The following HACD4 variants were observed in gnomAD, a reference collection of about 807,000 sequenced individuals.
The protein encoded by HACD4 is 3-hydroxyacyl-CoA dehydratase 4.
Under a neutral mutation model 33.3 loss-of-function variants are expected in HACD4, and 35 were observed. The observed-to-expected ratio is 1.05, with a 90% CI of 0.80 to 1.39. The LOEUF (loss-of-function observed/expected upper bound fraction) is 1.39. HACD4 is among the 40% of genes most tolerant of loss of function. HACD4 has a pLI of 0.00. For missense variants in HACD4, 323 were observed against 276.5 expected (o/e 1.17, Z -1.19); for synonymous variants, 118 against 98.0 (o/e 1.20, Z -1.21).
At chr9:21,017,242 C>T (rs1284993062) in intron 3 of HACD4, among the ~76,000 whole-genome samples, 1 of 152,116 alleles carries the variant, frequency 6.6e-6, no homozygotes, top group African/African-American at 2.4e-5. Context: ...GATTTGCCAA[C>T]AGTGGGCCAC....
chr9:21,011,776 C>T (rs1032490895), intron 4 of HACD4, 81 bp from the exon 5 acceptor site: 25 of 698,158 alleles, frequency 3.6e-5, no homozygotes, highest in Non-Finnish European at 5.7e-5. Context: ...TAATTAAATA[C>T]AGAGATACAA....
intron 5 of HACD4, among the ~76,000 whole-genome samples, chr9:21,009,270 C>G (rs1440661864): frequency 6.6e-6 from 1 of 152,084 alleles, no homozygotes; most frequent in Non-Finnish European, 1.5e-5. Flanking sequence ...TTCCACCATC[C>G]AGAGCATTAT....
chr9:21,028,966 A>G (rs1818134691), intron 2 of HACD4, among the ~76,000 whole-genome samples: 1 of 152,210 alleles, frequency 6.6e-6, no homozygotes, highest in African/African-American at 2.4e-5. Context: ...TCTGCATAAA[A>G]TGTTATGCTG....
intron 4 of HACD4, among the ~76,000 whole-genome samples, chr9:21,012,603 A>C (rs924096643): frequency 6.6e-6 from 1 of 152,240 alleles, no homozygotes. Context: ...TTGCATTTGC[A>C]TATCTATGTG....
intron 4 of HACD4, 32 bp from the exon 5 acceptor site, chr9:21,011,727 T>C (rs1842443902): frequency 8.5e-7 from 1 of 1,176,682 alleles, no homozygotes. Flanking sequence ...ATAAACATCA[T>C]TTTCTGCTAA....
At chr9:21,007,241 A>G (rs1796851415) in intron 6 of HACD4, 122 bp from the exon 7 acceptor site, 1 of 646,362 alleles carries the variant, frequency 1.5e-6, no homozygotes, top group Non-Finnish European at 2.8e-6. Context: ...TGCAAGGGAG[A>G]TGTGAGAAGG....
In HACD4 at chr9:21,005,130, G is replaced by A. The variant is rs1305546207; in HGVS notation, c.*1907C>T. On this transcript the variant is annotated 3_prime_UTR_variant, in exon 7 of 7. Coordinates refer to ENST00000495827, the MANE Select transcript of HACD4 (RefSeq NM_001010915.5). This position sits in a 1 kb window ranked among gnomAD's most constrained non-coding sequence, Gnocchi z 4.0. Reference sequence around the variant, plus strand: ...TTGTTATAATATGCCAAAGAACTTGGATGATTGTGTTCATGTTCTAGTGTT... The same window carrying A: ...TTGTTATAATATGCCAAAGAACTTGAATGATTGTGTTCATGTTCTAGTGTT... 6.6e-6 allele frequency: 1 copy of A among 152,188 alleles called. No individual in the cohort carries two copies. The highest frequency in any genetic ancestry group is 1.5e-5 in the Non-Finnish European group (1 of 68,036). The allele number at this position is 152,188 out of a possible 1,614,324, so 9.4% of individuals were successfully genotyped here. A position where few individuals can be genotyped will look rare whatever the true frequency, so the allele number is the denominator to read the frequency against.
At position 20,999,529 on chromosome 9, in the gene HACD4, G is replaced by A. The variant is rs1842135417; in HGVS notation, c.*7508C>T. ...GTATATGGGGACTCAGGAAGACAGT[G>A]GAAGTTTATTAAGAAATTGTTCTTA... On this transcript the variant is annotated 3_prime_UTR_variant, in exon 7 of 7. Coordinates refer to ENST00000495827, the MANE Select transcript of HACD4 (RefSeq NM_001010915.5). The A allele has an allele frequency of 6.6e-6, 1 of 151,984 alleles. No homozygotes were observed. 9.4% of individuals were successfully genotyped at this position (151,984 alleles called of 1,614,324 possible).
Position 21,011,604 on chromosome 9 carries a change from A to T in HACD4, c.475T>A (p.Cys159Ser). ...CTTTTCTTACCTTCAGCAAGAACAC[A>T]CAAAGGATAAATTGGCATCCATAGT... ...QTLWMPIYPL[C>S]VLAEAFAIYQ... Residue 159 changes from cysteine (C) to serine (S), a missense_variant, in exon 5 of 7, where the codon TGT becomes AGT. Transcript: ENST00000495827. The T allele has an allele frequency of 1.2e-6, 2 of 1,604,896 alleles. No homozygotes were observed. Among genetic ancestry groups the T allele is most frequent in the Middle Eastern group, 1.7e-4 (1 of 6,046 alleles).
At position 21,003,717 on chromosome 9, in the gene HACD4, C is replaced by G. The variant is rs1196648070; in HGVS notation, c.*3320G>C. ...AGGTAAGATCTTTATAATTCTTTAC[C>G]AAAAATTGAGTGATACATCAATGAT... On this transcript the variant is annotated 3_prime_UTR_variant, in exon 7 of 7. Transcript: ENST00000495827. The G allele has an allele frequency of 6.6e-6, 1 of 151,790 alleles. No homozygotes were observed. Among genetic ancestry groups the G allele is most frequent in the African/African-American group, 2.4e-5 (1 of 41,334 alleles). The allele number at this position is 151,790 out of a possible 1,614,324, so 9.4% of individuals were successfully genotyped here. A position where few individuals can be genotyped will look rare whatever the true frequency, so the allele number is the denominator to read the frequency against.
rs1231700249 is a variant in HACD4, at chr9:21,015,974, T to G, written c.307A>C (p.Thr103Pro). Residue 103 changes from threonine (T) to proline (P), a missense_variant, in exon 4 of 7, where the codon ACC becomes CCC. Transcript: ENST00000495827. ...ERIIILFVVI[T>P]SQEEVQEKYV... ...TTCTCTTGGACTTCCTCTTGACTGG[T>G]GATCACCACAAAAAGGATGATTATT... 2 of 1,613,138 alleles carry G rather than the reference T, an allele frequency of 1.2e-6. No individual in the cohort carries two copies. Among genetic ancestry groups the G allele is most frequent in the South Asian group, 1.1e-5 (1 of 91,030 alleles).
intron 2 of HACD4, among the ~76,000 whole-genome samples, chr9:21,027,653 A>G (rs1187041019): frequency 6.6e-6 from 1 of 152,226 alleles, no homozygotes; most frequent in African/African-American, 2.4e-5. Flanking sequence ...CCGTGAAGGA[A>G]GAAGGTAGCA....
intron 5 of HACD4, 78 bp from the exon 6 acceptor site, chr9:21,008,224 G>C: frequency 8.2e-7 from 1 of 1,218,714 alleles, no homozygotes; most frequent in Non-Finnish European, 1.1e-6. Context: ...CTTCATAGTT[G>C]TAGGATATTT....
rs1178284451 is a variant in HACD4, at chr9:21,003,111, T to A, written c.*3926A>T. ...CAATTGTGTCTGTCACCAAAGGAAA[T>A]GTAAGATCTTTTTATGTTACAATTG... On this transcript the variant is annotated 3_prime_UTR_variant, in exon 7 of 7. Coordinates refer to ENST00000495827, the MANE Select transcript of HACD4 (RefSeq NM_001010915.5). 6.6e-6 allele frequency: 1 copy of A among 152,122 alleles called. No homozygotes were observed. The highest frequency in any genetic ancestry group is 1.9e-4 in the East Asian group (1 of 5,202). 9.4% of individuals were successfully genotyped at this position (152,122 alleles called of 1,614,324 possible).
chr9:21,017,449 C>T (rs1004458398), intron 3 of HACD4, among the ~76,000 whole-genome samples: 2 of 152,020 alleles, frequency 1.3e-5, no homozygotes, highest in Non-Finnish European at 2.9e-5. Flanking sequence ...GATTTAATTT[C>T]AATAATAAAT....
chr9:21,026,528 GA>G, intron 3 of HACD4, 67 bp downstream of exon 3: 3 of 1,333,724 alleles, frequency 2.2e-6, no homozygotes, highest in Non-Finnish European at 3.1e-6. Context: ...ATAAAGTCAA[GA>G]GAAGCTTTAA....
intron 1 of HACD4, among the ~76,000 whole-genome samples, chr9:21,030,567 G>C (rs1186178867): frequency 6.6e-6 from 1 of 152,226 alleles, no homozygotes; most frequent in East Asian, 1.9e-4. Context: ...TTGAGACACA[G>C]TGTTTTAGTT....
Position 21,031,586 on chromosome 9 carries a change from C to T in HACD4, c.5G>A (p.Gly2Glu). ...CAGCCAGGCGGGCAGCGCCAAGGGCCCCATGGGCCGCCGCCGCCAGGGCTT... is the reference window on the plus strand; with the variant it reads ...CAGCCAGGCGGGCAGCGCCAAGGGCTCCATGGGCCGCCGCCGCCAGGGCTT... M[G>E]PLALPAWLQP... Residue 2 changes from glycine to glutamate, a missense_variant, in exon 1 of 7, where the codon GGG becomes GAG. Transcript: ENST00000495827. 1 of 1,438,610 alleles carries T rather than the reference C, an allele frequency of 7.0e-7. No individual in the cohort carries two copies. The highest frequency in any genetic ancestry group is 9.1e-7 in the Non-Finnish European group (1 of 1,101,610). 89.1% of individuals were successfully genotyped at this position (1,438,610 alleles called of 1,614,324 possible). A position where few individuals can be genotyped will look rare whatever the true frequency, so the allele number is the denominator to read the frequency against.
intron 2 of HACD4, 115 bp from the exon 3 acceptor site, chr9:21,026,838 A>G (rs752508953): frequency 6.7e-5 from 55 of 826,110 alleles, no homozygotes; most frequent in Non-Finnish European, 9.4e-5. Context: ...TTCATTGTAC[A>G]TGTGAAAAAT....
Sources: gnomAD v4.1 joint callset for allele counts (sites outside exome capture counted in the v4.1 genomes callset) on GRCh38, gnomAD v4.1.1 for gene constraint, Gnocchi (gnomAD v3.1) non-coding constraint, MANE v1.5 for transcripts, NCBI Gene and HGNC (gene_info 2026-07-23, HGNC 2026-07-21) for gene names.